The following RPTOR variants were observed in gnomAD, a reference collection of about 807,000 sequenced individuals.
RPTOR encodes regulatory associated protein of MTOR complex 1.
Under a neutral mutation model 169.9 loss-of-function variants are expected in RPTOR, and 21 were observed. The observed-to-expected ratio is 0.12, with a 90% CI of 0.09 to 0.18. The LOEUF is 0.18. Ranked by LOEUF, RPTOR falls within the 10% of genes least tolerant of loss-of-function variation. The pLI is 1.00. For missense variants in RPTOR, 1,133 were observed against 1,855.9 expected, an observed-to-expected ratio of 0.61 and a Z score of 7.16; for synonymous variants, 732 against 753.2, an observed-to-expected ratio of 0.97 and a Z score of 0.46.
intron 29 of RPTOR, among the ~76,000 whole-genome samples, chr17:80,958,793 C>T (rs947877929): frequency 6.6e-6 from 1 of 152,200 alleles, no homozygotes; most frequent in Non-Finnish European, 1.5e-5. Flanking sequence ...CCCAAGACAG[C>T]CTGGAAAAGT....
At chr17:80,920,419 T>G (rs1370095755) in intron 21 of RPTOR, among the ~76,000 whole-genome samples, 1 of 151,978 alleles carries the variant, frequency 6.6e-6, no homozygotes, top group Non-Finnish European at 1.5e-5. Context: ...CCAGAAGTGG[T>G]GGAAAATTAG....
At chr17:80,893,324 GCGCGC>G (rs2068352195) in intron 19 of RPTOR, among the ~76,000 whole-genome samples, 2 of 128,658 alleles carry the variant, frequency 1.6e-5, no homozygotes, top group African/African-American at 7.1e-5. Context: ...AGGTGTGTGC[GCGCGC>G]CAGGTGTGTG....
At chr17:80,693,217 C>CA (rs1188679210) in intron 3 of RPTOR, among the ~76,000 whole-genome samples, 1 of 152,208 alleles carries the variant, frequency 6.6e-6, no homozygotes, top group Non-Finnish European at 1.5e-5. Flanking sequence ...TGCGGACAGT[C>CA]ACAGGATGTG....
chr17:80,546,478 C>A (rs1184622552), intron 1 of RPTOR, among the ~76,000 whole-genome samples: 1 of 151,742 alleles, frequency 6.6e-6, no homozygotes. Flanking sequence ...TCACAAGCAG[C>A]TGGTAGGAAA....
At chr17:80,917,173 C>T (rs11651076) in intron 21 of RPTOR, among the ~76,000 whole-genome samples, 1,531 of 149,166 alleles carry the variant, frequency 0.01, 13 homozygotes, top group Non-Finnish European at 0.016. Flanking sequence ...AGTGCAGTGG[C>T]GCGATCTCAG....
chr17:80,717,139 A>C (rs1194690610), intron 4 of RPTOR, among the ~76,000 whole-genome samples: 3 of 152,208 alleles, frequency 2.0e-5, no homozygotes, highest in Admixed American at 2.0e-4. Context: ...AATTGCATTG[A>C]AATGAGTGGA....
At chr17:80,932,149 A>G (rs1413567831) in intron 24 of RPTOR, among the ~76,000 whole-genome samples, 1 of 148,930 alleles carries the variant, frequency 6.7e-6, no homozygotes, top group Non-Finnish European at 1.5e-5. Flanking sequence ...AGGCATGCAT[A>G]TATATATATA....
At chr17:80,764,440 C>T (rs1352326723) in intron 6 of RPTOR, among the ~76,000 whole-genome samples, 2 of 151,212 alleles carry the variant, frequency 1.3e-5, no homozygotes, top group Non-Finnish European at 2.9e-5. Context: ...CAATAGTTTA[C>T]TGAGAATGAT....
chr17:80,767,048 A>G (rs978452213), intron 6 of RPTOR, among the ~76,000 whole-genome samples: 1 of 152,204 alleles, frequency 6.6e-6, no homozygotes, highest in African/African-American at 2.4e-5. Flanking sequence ...GAAATGAAAG[A>G]GGGCACATCC....
chr17:80,840,913 ACT>A (rs1340147971), intron 10 of RPTOR, among the ~76,000 whole-genome samples: 2 of 122,454 alleles, frequency 1.6e-5, no homozygotes, highest in East Asian at 5.1e-4. Flanking sequence ...ACGGCAGCTC[ACT>A]CTCACCACAC....
chr17:80,668,783 G>A (rs1567848399), intron 3 of RPTOR, among the ~76,000 whole-genome samples: 1 of 152,238 alleles, frequency 6.6e-6, no homozygotes, highest in Non-Finnish European at 1.5e-5. Context: ...GGCAGAGCGG[G>A]TCCTGCTGGA....
chr17:80,801,535 A>G (rs1435589707), intron 7 of RPTOR: 1 of 152,046 alleles, frequency 6.6e-6, no homozygotes, highest in African/African-American at 2.4e-5. Context: ...GGGGGGCAGC[A>G]CTCGTGTCAG....
rs903250201 is a variant in RPTOR at position 80,730,063 on chromosome 17, A to G, written c.508-497A>G. Reference sequence around the variant, plus strand: ...TTGGCAGCCACCTGGTGTGGGCGCTACTGGAGTAAAGCAGCATCAGAGGAG... The same window carrying G: ...TTGGCAGCCACCTGGTGTGGGCGCTGCTGGAGTAAAGCAGCATCAGAGGAG... On this transcript the variant is annotated intron_variant, in intron 4 of 33. Coordinates refer to ENST00000306801, the MANE Select transcript of RPTOR (RefSeq NM_020761.3). The surrounding 1 kb of genome is among the most constrained non-coding windows in gnomAD (Gnocchi z 4.2). Among the ~76,000 whole-genome samples the G allele has an allele frequency of 2.0e-5, 3 of 152,240 alleles. No individual in the cohort carries two copies. Among genetic ancestry groups the G allele is most frequent in the African/African-American group, 7.2e-5 (3 of 41,458 alleles).
chr17:80,605,677 T>C (rs1458981701), intron 1 of RPTOR, among the ~76,000 whole-genome samples: 8 of 152,176 alleles, frequency 5.3e-5, no homozygotes, highest in African/African-American at 1.9e-4. Flanking sequence ...AAAATAGAGC[T>C]GGTGATATAC....
intron 25 of RPTOR, 109 bp downstream of exon 25, chr17:80,940,710 A>G (rs903298870): frequency 2.3e-6 from 2 of 862,868 alleles, no homozygotes; most frequent in East Asian, 2.7e-5. Flanking sequence ...TTCTCCAGCC[A>G]TCCACTGTCC....
chr17:80,697,307 A>G (rs979149548), intron 3 of RPTOR, among the ~76,000 whole-genome samples: 2 of 152,234 alleles, frequency 1.3e-5, no homozygotes, highest in African/African-American at 4.8e-5. Flanking sequence ...GTTAAAAGGC[A>G]TTATTCAGAA....
At chr17:80,769,850 C>G (rs1051915308) in intron 6 of RPTOR, among the ~76,000 whole-genome samples, 3 of 152,112 alleles carry the variant, frequency 2.0e-5, no homozygotes, top group Non-Finnish European at 2.9e-5. Flanking sequence ...AGGGCGGGGT[C>G]CGTGACCATG....
intron 1 of RPTOR, among the ~76,000 whole-genome samples, chr17:80,606,165 C>A (rs568181519): frequency 2.0e-5 from 3 of 152,268 alleles, no homozygotes; most frequent in African/African-American, 7.2e-5. Context: ...GAACCCACCA[C>A]CATGTCCGGC....
intron 10 of RPTOR, among the ~76,000 whole-genome samples, chr17:80,841,959 C>T (rs1417116649): frequency 1.3e-5 from 2 of 150,390 alleles, no homozygotes; most frequent in Non-Finnish European, 3.0e-5. Context: ...ACTCACCGCA[C>T]GGCAGCTCAC....
Sources: gnomAD v4.1 joint callset for allele counts (sites outside exome capture counted in the v4.1 genomes callset) on GRCh38, gnomAD v4.1.1 for gene constraint, Gnocchi (gnomAD v3.1) non-coding constraint, MANE v1.5 for transcripts, NCBI Gene and HGNC (gene_info 2026-07-23, HGNC 2026-07-21) for gene names.